ZNF285: variants seen among roughly 807,000 people sequenced by gnomAD.
The protein encoded by ZNF285 is zinc finger protein 285A.
Under a neutral mutation model 6.2 loss-of-function variants are expected in ZNF285, and 4 were observed. The ratio of observed to expected loss-of-function variants is 0.65; its 90% CI spans 0.32 to 1.49. The LOEUF (loss-of-function observed/expected upper bound fraction) is 1.49, where lower values mean the gene tolerates loss of function less well. ZNF285 is among the 40% of genes most tolerant of loss of function. ZNF285 has a pLI of 0.07. For missense variants in ZNF285, 695 were observed against 708.8 expected (o/e 0.98, Z 0.22); for synonymous variants, 240 against 245.8 (o/e 0.98, Z 0.22).
chr19:44,383,368 A>C lies in ZNF285; in HGVS notation c.*3104T>G, dbSNP rs1263526278. 1 of 152,158 alleles carries C rather than the reference A, an allele frequency of 6.6e-6. No homozygotes were observed. Among genetic ancestry groups the C allele is most frequent in the East Asian group, 1.9e-4 (1 of 5,186 alleles). 9.4% of individuals were successfully genotyped at this position (152,158 alleles called of 1,614,324 possible). A position where few individuals can be genotyped will look rare whatever the true frequency, so the allele number is the denominator to read the frequency against. On this transcript the variant is annotated 3_prime_UTR_variant, in exon 4 of 4. Coordinates refer to ENST00000614994, the MANE Select transcript of ZNF285 (RefSeq NM_152354.6). ...GAGCCTGTTCCCTGATGAGGCCTTAAGAGATCACAGCTTTTGCCCTTGAAA... is the reference window on the plus strand; with the variant it reads ...GAGCCTGTTCCCTGATGAGGCCTTACGAGATCACAGCTTTTGCCCTTGAAA...
Position 44,387,548 on chromosome 19 carries a change from G to T in ZNF285, c.697C>A (p.Pro233Thr), listed in dbSNP as rs373787402. Residue 233 changes from proline to threonine, a missense_variant, in exon 4 of 4, where the codon CCA becomes ACA. Physicochemically the swap from Pro to Thr is conservative, Grantham distance 38 (BLOSUM62 -1). Coordinates refer to ENST00000614994, the MANE Select transcript of ZNF285 (RefSeq NM_152354.6). ...AAGGCCACCCCACAGTTATTACATG[G>T]GAAAGGCTGTGGTAATACATGGGCC... ...NAAHVLPQPFPCNNCGVAFAD... is the reference protein window; with the variant it reads ...NAAHVLPQPFTCNNCGVAFAD... 9.5e-5 allele frequency: 154 copies of T among 1,613,784 alleles called. No individual in the cohort carries two copies. The highest frequency in any genetic ancestry group is 7.5e-4 in the South Asian group (68 of 91,072).
At chr19:44,394,081 TA>T (rs968119783) in intron 2 of ZNF285, among the ~76,000 whole-genome samples, 59 of 151,934 alleles carry the variant, frequency 3.9e-4, no homozygotes, top group East Asian at 3.9e-3. Flanking sequence ...TATGCAGCCA[TA>T]AAAAAATGAT....
At position 44,386,825 on chromosome 19, in the gene ZNF285, G is replaced by A; in HGVS notation, c.1420C>T (p.His474Tyr). The change falls in exon 4 of 4, where the codon CAT (histidine) becomes TAT (tyrosine). Residue 474 changes from histidine to tyrosine, a missense_variant. Physicochemically the swap from His to Tyr is moderately conservative, Grantham distance 83. Transcript: ENST00000614994. ...DFAYSSVLHT[H>Y]QRVHTGEKPY... ...TTTTCTCCAGTGTGAACTCTCTGAT[G>A]AGTGTGAAGAACAGAGCTATACGCA... The A allele has an allele frequency of 6.2e-7, 1 of 1,614,230 alleles. No homozygotes were observed. Among genetic ancestry groups the A allele is most frequent in the Non-Finnish European group, 8.5e-7 (1 of 1,180,048 alleles).
intron 1 of ZNF285, among the ~76,000 whole-genome samples, chr19:44,398,708 G>T (rs1244208446): frequency 6.6e-6 from 1 of 152,044 alleles, no homozygotes; most frequent in Non-Finnish European, 1.5e-5. Context: ...TGAGTGTTCT[G>T]TTTATTTTTT....
In ZNF285 at chr19:44,397,261, A is replaced by G. The variant is rs1378503933; in HGVS notation, c.-43-5T>C. On this transcript the variant is annotated splice_region_variant and splice_polypyrimidine_tract_variant and intron_variant, in intron 1 of 3. Transcript: ENST00000614994. The stretch of plus-strand genomic sequence containing the variant: ...CAGGATTCTGGAAAAGCAGAACTGC[A>G]AAGAAGAAATAATCCATGAGATCAT... 1.2e-6 allele frequency: 2 copies of G among 1,613,808 alleles called. No individual in the cohort carries two copies. The highest frequency in any genetic ancestry group is 1.3e-5 in the African/African-American group (1 of 74,872).
At position 44,387,844 on chromosome 19, in the gene ZNF285, T is replaced by C. The variant is rs753070130; in HGVS notation, c.401A>G (p.Asp134Gly). The stretch of plus-strand genomic sequence containing the variant: ...TGTCAGGCTTTGCCATGCTGTGATA[T>C]CTTGATTTTTGATAATGGCATTTAC... ...YVVNAIIKNQ[D>G]ITAWQSLTQV... Residue 134 changes from aspartate to glycine, a missense_variant, in exon 4 of 4, where the codon GAT (aspartate) becomes GGT (glycine). Coordinates refer to ENST00000614994, the MANE Select transcript of ZNF285 (RefSeq NM_152354.6). 16 of 1,613,854 alleles carry C rather than the reference T, an allele frequency of 9.9e-6. No homozygotes were observed. The East Asian group carries it at 3.1e-4, about 31-fold the overall frequency.
At position 44,396,911 on chromosome 19, in the gene ZNF285, C is replaced by T. The variant is rs28667502; in HGVS notation, c.15+288G>A. On this transcript the variant is annotated intron_variant, in intron 2 of 3. Transcript: ENST00000614994. ...ATTTCTGTAAGTTTCTGAACTTACTCTTGATTCTTTTTCCCTCATCGGGCA... is the reference window on the plus strand; with the variant it reads ...ATTTCTGTAAGTTTCTGAACTTACTTTTGATTCTTTTTCCCTCATCGGGCA... The T allele has an allele frequency of 2.0e-4, 81 of 412,246 alleles. 1 individual carries two copies. The highest frequency in any genetic ancestry group is 1.4e-3 in the African/African-American group (67 of 49,310). The allele number at this position is 412,246 out of a possible 1,614,324, so 25.5% of individuals were successfully genotyped here. A position where few individuals can be genotyped will look rare whatever the true frequency, so the allele number is the denominator to read the frequency against.
At chr19:44,388,234 G>GT (rs2123265632) in intron 3 of ZNF285, 132 bp from the exon 4 acceptor site, 1 of 806,180 alleles carries the variant, frequency 1.2e-6, no homozygotes, top group Non-Finnish European at 2.0e-6. Context: ...TAGAGCCACG[G>GT]TAATTCTAAC....
chr19:44,389,333 C>CT (rs1252689701), intron 3 of ZNF285, among the ~76,000 whole-genome samples: 2 of 152,102 alleles, frequency 1.3e-5, no homozygotes, highest in Non-Finnish European at 2.9e-5. Flanking sequence ...CTGGATACTG[C>CT]TTCTGGTTCA....
chr19:44,391,166 AAAG>A (rs1415322757), intron 3 of ZNF285, among the ~76,000 whole-genome samples: 1 of 151,784 alleles, frequency 6.6e-6, no homozygotes, highest in Non-Finnish European at 1.5e-5. Context: ...AAAAAAAAAA[AAAG>A]ATTTCCCTGC....
At position 44,401,593 on chromosome 19, in the gene ZNF285, G is replaced by T. The variant is rs1458468407; in HGVS notation, c.-69C>A. ...CCCAGCGTCCCAAACAATGTCGCCCGCAGCGTGCGTCCAGTACCATGGCGC... is the reference window on the plus strand; with the variant it reads ...CCCAGCGTCCCAAACAATGTCGCCCTCAGCGTGCGTCCAGTACCATGGCGC... On this transcript the variant is annotated 5_prime_UTR_variant, in exon 1 of 4. Transcript: ENST00000614994. 6.6e-6 allele frequency: 1 copy of T among 152,260 alleles called. No individual in the cohort carries two copies. Among genetic ancestry groups the T allele is most frequent in the African/African-American group, 2.4e-5 (1 of 41,426 alleles). 9.4% of individuals were successfully genotyped at this position (152,260 alleles called of 1,614,324 possible).
In ZNF285 at chr19:44,387,862, G is replaced by A. The variant is rs1163281676; in HGVS notation, c.383C>T (p.Ala128Val). The A allele has an allele frequency of 2.5e-6, 4 of 1,613,914 alleles. No individual in the cohort carries two copies. The highest frequency in any genetic ancestry group is 1.1e-5 in the South Asian group (1 of 91,070). ...TGTGATATCTTGATTTTTGATAATGGCATTTACTACATAGTTTTCATTTTC... is the reference window on the plus strand; with the variant it reads ...TGTGATATCTTGATTTTTGATAATGACATTTACTACATAGTTTTCATTTTC... ...ISENENYVVN[A>V]IIKNQDITAW... The change falls in exon 4 of 4, where the codon GCC (alanine) becomes GTC (valine). Residue 128 changes from alanine (A) to valine (V), a missense_variant. By Grantham distance (64) the Ala-to-Val change is moderately conservative. Coordinates refer to ENST00000614994, the MANE Select transcript of ZNF285 (RefSeq NM_152354.6).
intron 3 of ZNF285, among the ~76,000 whole-genome samples, chr19:44,388,619 GA>G (rs1489396018): frequency 6.6e-6 from 1 of 151,742 alleles, no homozygotes; most frequent in East Asian, 1.9e-4. Flanking sequence ...AAAATTTTAT[GA>G]AGGAAGAAAT....
In ZNF285 at chr19:44,383,288, TC is replaced by T. The variant is rs775084165; in HGVS notation, c.*3183del. The T allele has an allele frequency of 6.6e-6, 1 of 152,210 alleles. No individual in the cohort carries two copies. Among genetic ancestry groups the T allele is most frequent in the African/African-American group, 2.4e-5 (1 of 41,474 alleles). 9.4% of individuals were successfully genotyped at this position (152,210 alleles called of 1,614,324 possible). A position where few individuals can be genotyped will look rare whatever the true frequency, so the allele number is the denominator to read the frequency against. Reference sequence around the variant, plus strand: ...TTTTGTCTTAATCTCACCCCATGAATCTGGGCCAGTGTTGTGACTTGCTTTA... The same window carrying T: ...TTTTGTCTTAATCTCACCCCATGAATTGGGCCAGTGTTGTGACTTGCTTTA... On this transcript the variant is annotated 3_prime_UTR_variant, in exon 4 of 4. Coordinates refer to ENST00000614994, the MANE Select transcript of ZNF285 (RefSeq NM_152354.6).
rs1455460976 is a variant in ZNF285 at position 44,385,447 on chromosome 19, A to G, written c.*1025T>C. 1 of 152,254 alleles carries G rather than the reference A, an allele frequency of 6.6e-6. No individual in the cohort carries two copies. Among genetic ancestry groups the G allele is most frequent in the Non-Finnish European group, 1.5e-5 (1 of 68,046 alleles). The allele number at this position is 152,254 out of a possible 1,614,324, so 9.4% of individuals were successfully genotyped here. ...ACCAATGAATGAAGGTTATCACTGA[A>G]GAAGTCCCATCCATACCATTTTAGA... On this transcript the variant is annotated 3_prime_UTR_variant, in exon 4 of 4. Transcript: ENST00000614994.
At chr19:44,391,329 A>C (rs1971191938) in intron 3 of ZNF285, among the ~76,000 whole-genome samples, 1 of 152,028 alleles carries the variant, frequency 6.6e-6, no homozygotes, top group Admixed American at 6.6e-5. Context: ...CTTTATCAGC[A>C]GTGTGAAAAC....
At chr19:44,388,261 A>G (rs1469208113) in intron 3 of ZNF285, among the ~76,000 whole-genome samples, 159 bp from the exon 4 acceptor site, 4 of 151,814 alleles carry the variant, frequency 2.6e-5, no homozygotes, top group Admixed American at 1.3e-4. Context: ...GCTGCCAATT[A>G]GAAATCAAGT....
At position 44,387,834 on chromosome 19, in the gene ZNF285, T is replaced by C. The variant is rs765835187; in HGVS notation, c.411A>G (p.Ala137=). Residue 137 remains alanine, a synonymous_variant, in exon 4 of 4, where the codon GCA becomes GCG. Coordinates refer to ENST00000614994, the MANE Select transcript of ZNF285 (RefSeq NM_152354.6). ...NAIIKNQDIT[A]WQSLTQVLTP... ...TAAGAACCTGTGTCAGGCTTTGCCA[T>C]GCTGTGATATCTTGATTTTTGATAA... The C allele has an allele frequency of 2.5e-6, 4 of 1,613,970 alleles. No homozygotes were observed. Among genetic ancestry groups the C allele is most frequent in the Non-Finnish European group, 2.5e-6 (3 of 1,179,862 alleles).
intron 3 of ZNF285, among the ~76,000 whole-genome samples, chr19:44,391,027 G>A (rs1357169174): frequency 6.6e-6 from 1 of 151,840 alleles, no homozygotes; most frequent in Admixed American, 6.6e-5. Flanking sequence ...GGTGGTGCAT[G>A]TCTGTAGTCC....
Sources: gnomAD v4.1 joint callset for allele counts (sites outside exome capture counted in the v4.1 genomes callset) on GRCh38, gnomAD v4.1.1 for gene constraint, MANE v1.5 for transcripts, NCBI Gene and HGNC (gene_info 2026-07-23, HGNC 2026-07-21) for gene names.